Variants in FAM83G observed in about 807,000 individuals in gnomAD.
The protein encoded by FAM83G is scaffolding CK1 anchoring protein G, also known as protein FAM83G.
A neutral mutation model predicts 61.5 loss-of-function variants in FAM83G; 38 were observed. That is an observed-to-expected ratio of 0.62 (90% confidence interval 0.48 to 0.81). The LOEUF is 0.81. FAM83G is among the 30% of genes least tolerant of loss of function. FAM83G has a pLI of 0.00. For synonymous variants in FAM83G, 470 were observed against 476.1 expected (o/e 0.99, Z 0.17); for missense variants, 989 against 1,133.6 (o/e 0.87, Z 1.83).
chr17:18,984,794 A>G (rs1016042510), intron 3 of FAM83G, among the ~76,000 whole-genome samples: 3 of 152,158 alleles, frequency 2.0e-5, no homozygotes, highest in African/African-American at 7.2e-5. Flanking sequence ...GTGACCCTAG[A>G]GGGTGTCAGT....
intron 3 of FAM83G, among the ~76,000 whole-genome samples, chr17:18,986,704 T>C (rs1035866087): frequency 2.6e-5 from 4 of 152,358 alleles, no homozygotes; most frequent in African/African-American, 9.6e-5. Flanking sequence ...TTAGGGTCCC[T>C]GCTCCAAACC....
intron 3 of FAM83G, among the ~76,000 whole-genome samples, chr17:18,985,138 C>T (rs1282394753): frequency 6.6e-6 from 1 of 152,248 alleles, no homozygotes; most frequent in African/African-American, 2.4e-5. Context: ...CAGACCAGAG[C>T]TGCGTCTCAT....
At chr17:18,976,187 C>CAAAAAAAAAGAAAAA (rs2042975910) in intron 5 of FAM83G, 1 of 108,466 alleles carries the variant, frequency 9.2e-6, no homozygotes, top group African/African-American at 3.5e-5. Flanking sequence ...GACTCCGACT[C>CAAAAAAAAAGAAAAA]AAAAAAAAAG....
rs1024344103 is a variant in FAM83G, at chr17:18,996,018, G to A, written c.522+7502C>T. 5.3e-5 allele frequency among the ~76,000 whole-genome samples: 8 copies of A among 151,476 alleles called. No individual in the cohort carries two copies. The highest frequency in any genetic ancestry group is 1.3e-4 in the Admixed American group (2 of 15,200). On this transcript the variant is annotated intron_variant, in intron 2 of 5. Transcript: ENST00000388995. This position sits in a 1 kb window ranked among gnomAD's most constrained non-coding sequence, Gnocchi z 4.4. ...ACTTAAAGTCAGTAACAAAGAGAGC[G>A]TTAAAAACAACCAGAAGAGAAAAGA...
At chr17:18,979,210 C>T (rs541966487) in intron 4 of FAM83G, 9 of 462,826 alleles carry the variant, frequency 1.9e-5, no homozygotes, top group Middle Eastern at 6.1e-4. Flanking sequence ...CCATGGGCAG[C>T]GCCCACCCCA....
intron 5 of FAM83G, among the ~76,000 whole-genome samples, chr17:18,973,800 T>C (rs1004593168): frequency 6.8e-6 from 1 of 147,466 alleles, no homozygotes; most frequent in Non-Finnish European, 1.5e-5. Context: ...TGGGTTCAAG[T>C]GATTCTCCTG....
In FAM83G at chr17:18,996,458, C is replaced by T. The variant is rs1041558642; in HGVS notation, c.522+7062G>A. ...GGGTTAGGAAGTTCTCCTAGGATCC[C>T]TGGGTGGTGCTCCCTGCCACCTCCT... On this transcript the variant is annotated intron_variant, in intron 2 of 5. Transcript: ENST00000388995. This position sits in a 1 kb window ranked among gnomAD's most constrained non-coding sequence, Gnocchi z 4.4. Among the ~76,000 whole-genome samples, 3 of 152,118 alleles carry T rather than the reference C, an allele frequency of 2.0e-5. No individual in the cohort carries two copies. Among genetic ancestry groups the T allele is most frequent in the Non-Finnish European group, 4.4e-5 (3 of 68,018 alleles).
intron 3 of FAM83G, among the ~76,000 whole-genome samples, chr17:18,981,864 A>T (rs1394782449): frequency 6.6e-6 from 1 of 152,132 alleles, no homozygotes; most frequent in Non-Finnish European, 1.5e-5. Context: ...TTTGTACCCA[A>T]CATGGAGCAC....
chr17:19,002,607 C>T (rs2043759221), intron 2 of FAM83G, among the ~76,000 whole-genome samples: 1 of 152,254 alleles, frequency 6.6e-6, no homozygotes, highest in Admixed American at 6.5e-5. Flanking sequence ...ACACAGCTCA[C>T]TAGGTAAGCT....
At position 18,988,332 on chromosome 17, in the gene FAM83G, G is replaced by A; in HGVS notation, c.605C>T (p.Ala202Val). 2.5e-6 allele frequency: 4 copies of A among 1,614,224 alleles called. No individual in the cohort carries two copies. The highest frequency in any genetic ancestry group is 3.4e-6 in the Non-Finnish European group (4 of 1,180,050). The change falls in exon 3 of 6, where the codon GCC becomes GTC. Residue 202 changes from alanine to valine, a missense_variant. Physicochemically the swap from Ala to Val is moderately conservative, Grantham distance 64. This residue lies in a region of FAM83G where 371 missense variants were observed against 404.5 expected (regional missense o/e 0.92). Coordinates refer to ENST00000388995, the MANE Select transcript of FAM83G (RefSeq NM_001039999.3). Reference sequence around the variant, plus strand: ...ACTCTCATCCACGATGATGTACACGGCCACTTTCCTCTTGAAGCCGGCGTC... The same window carrying A: ...ACTCTCATCCACGATGATGTACACGACCACTTTCCTCTTGAAGCCGGCGTC... The part of the protein sequence containing the change: ...LLDAGFKRKV[A>V]VYIIVDESNV...
At chr17:18,985,723 C>T (rs974132970) in intron 3 of FAM83G, among the ~76,000 whole-genome samples, 2 of 152,224 alleles carry the variant, frequency 1.3e-5, no homozygotes, top group Non-Finnish European at 2.9e-5. Context: ...CCCATGGAGG[C>T]GTCTAGCTCC....
intron 2 of FAM83G, among the ~76,000 whole-genome samples, chr17:18,989,958 C>T (rs902196009): frequency 2.0e-5 from 3 of 152,308 alleles, no homozygotes; most frequent in African/African-American, 4.8e-5. Flanking sequence ...CCCCCCAGAG[C>T]GGACAGCGGA....
rs151071669 is a variant in FAM83G at position 19,000,382 on chromosome 17, G to A, written c.522+3138C>T. 1.0e-3 allele frequency among the ~76,000 whole-genome samples: 157 copies of A among 152,302 alleles called. 6 individuals carry two copies. Among genetic ancestry groups the A allele is most frequent in the Admixed American group, 9.5e-3 (145 of 15,306 alleles). ...TTCCCATTTTACAGATGGGATGACC[G>A]GGGCTTGGAGAGGAGCTGGGGCTTG... On this transcript the variant is annotated intron_variant, in intron 2 of 5. Transcript: ENST00000388995. This position sits in a 1 kb window ranked among gnomAD's most constrained non-coding sequence, Gnocchi z 5.2.
At position 18,988,266 on chromosome 17, in the gene FAM83G, A is replaced by C. The variant is rs760511405; in HGVS notation, c.671T>G (p.Met224Arg). The C allele has an allele frequency of 6.2e-7, 1 of 1,612,682 alleles. No homozygotes were observed. Among genetic ancestry groups the C allele is most frequent in the Non-Finnish European group, 8.5e-7 (1 of 1,178,812 alleles). The stretch of plus-strand genomic sequence containing the variant: ...GCTCACCTTGAGGTGCCCCAGGTGC[A>C]TGCAGGCCCGCTCACACATGTGCAG... ...YFLHMCERAC[M>R]HLGHLKNLRV... is the part of the protein sequence containing the mutation. Residue 224 changes from methionine to arginine, a missense_variant, in exon 3 of 6, where the codon ATG becomes AGG. Met to Arg is a moderately conservative substitution (Grantham distance 91). Around this residue, in one of 3 missense-constraint regions of FAM83G, gnomAD observed 371 missense variants for 404.5 expected, o/e 0.92. Transcript: ENST00000388995.
chr17:18,982,927 G>C (rs2043175212), intron 3 of FAM83G, among the ~76,000 whole-genome samples: 1 of 152,246 alleles, frequency 6.6e-6, no homozygotes. Context: ...TGTGCTGCAA[G>C]GCTGCTGTGA....
Position 18,977,760 on chromosome 17 carries a change from G to A in FAM83G, c.1906C>T (p.Gln636Ter). 6.2e-7 allele frequency: 1 copy of A among 1,604,342 alleles called. No individual in the cohort carries two copies. Among genetic ancestry groups the A allele is most frequent in the Non-Finnish European group, 8.5e-7 (1 of 1,175,514 alleles). The change falls in exon 5 of 6, where the codon CAA (glutamine) becomes TAA (stop). Residue 636 changes from glutamine to a stop codon, truncating the protein, a stop_gained. Transcript: ENST00000388995. LOFTEE classifies it high-confidence loss of function. ...GGTGGGGTTGGCCCGTTGGCCACTT[G>A]CTCTGAGTGGCGCCTCCGGAGAGGG... ...SVPLRRRHSEQVANGPTPPPR... is the reference protein window; with the variant it reads ...SVPLRRRHSE
chr17:18,995,126 C>A (rs1884640474), intron 2 of FAM83G, among the ~76,000 whole-genome samples: 1 of 152,064 alleles, frequency 6.6e-6, no homozygotes, highest in South Asian at 2.1e-4. Flanking sequence ...TTAAAAATTA[C>A]CAGACACACA....
chr17:18,972,549 C>G (rs777940912), intron 5 of FAM83G, among the ~76,000 whole-genome samples: 2 of 152,160 alleles, frequency 1.3e-5, no homozygotes, highest in Non-Finnish European at 2.9e-5. Context: ...GCCCAGAGAC[C>G]CTCCCTGGGT....
At chr17:18,981,173 C>T (rs780096665) in intron 3 of FAM83G, among the ~76,000 whole-genome samples, 2 of 152,154 alleles carry the variant, frequency 1.3e-5, no homozygotes, top group Non-Finnish European at 2.9e-5. Flanking sequence ...TGCCCAGGAT[C>T]GCAGAGGAGT....
Sources: gnomAD v4.1 joint callset for allele counts (sites outside exome capture counted in the v4.1 genomes callset) on GRCh38, gnomAD v4.1.1 for gene constraint, gnomAD v4.1.1 regional missense constraint, Gnocchi (gnomAD v3.1) non-coding constraint, MANE v1.5 for transcripts, NCBI Gene and HGNC (gene_info 2026-07-23, HGNC 2026-07-21) for gene names.